The following RPGR variants were observed in gnomAD, a reference collection of about 807,000 sequenced individuals.
RPGR encodes retinitis pigmentosa GTPase regulator, also known as X-linked retinitis pigmentosa GTPase regulator.
RPGR carries 10 observed loss-of-function variants against 56.3 expected under a neutral mutation model. The observed-to-expected ratio is 0.18, with a 90% CI of 0.11 to 0.30. The LOEUF is 0.30. RPGR is among the 10% of genes least tolerant of loss of function. RPGR has a pLI of 1.00. For synonymous variants in RPGR, 197 were observed against 212.9 expected (o/e 0.93, Z 0.65); for missense variants, 538 against 590.9 (o/e 0.91, Z 0.93).
At chrX:38,301,603 T>C (rs996287395) in intron 8 of RPGR, among the ~76,000 whole-genome samples, 3 of 111,161 alleles carry the variant, frequency 2.7e-5, no homozygotes, top group African/African-American at 6.6e-5. Context: ...GTTTGTGAAG[T>C]TGATGACCTG....
rs1267750329 is a variant in RPGR at position 38,324,938 on chromosome X, G to A, written c.29-1414C>T. Among the ~76,000 whole-genome samples the A allele has an allele frequency of 8.4e-5, 9 of 107,010 alleles. No individual in the cohort carries two copies. In the Admixed American group the frequency reaches 9.0e-4, roughly 11 times the overall value. 92.9% of individuals were successfully genotyped at this position (107,010 alleles called of 115,157 possible). On this transcript the variant is annotated intron_variant, in intron 1 of 18. Transcript: ENST00000642395. ...TAATCACAGCACTTTGGGAGGCCGAGGCAGGTGGATCATTTGAGGTCAGGA... is the reference window on the plus strand; with the variant it reads ...TAATCACAGCACTTTGGGAGGCCGAAGCAGGTGGATCATTTGAGGTCAGGA...
chrX:38,301,619 C>T, intron 8 of RPGR, among the ~76,000 whole-genome samples: 1 of 110,904 alleles, frequency 9.0e-6, no homozygotes, highest in East Asian at 2.8e-4. Context: ...ACCTGTCACG[C>T]AAGGCAGTGT....
At chrX:38,270,458 CAAA>C (rs771458538) in intron 18 of RPGR, among the ~76,000 whole-genome samples, 7 of 76,556 alleles carry the variant, frequency 9.1e-5, no homozygotes, top group African/African-American at 2.5e-4. Flanking sequence ...ACTACAAATA[CAAA>C]AAAAAAAAAA....
chrX:38,299,799 T>C (rs1189896425), intron 9 of RPGR, among the ~76,000 whole-genome samples: 3 of 111,053 alleles, frequency 2.7e-5, no homozygotes, highest in African/African-American at 6.5e-5. Flanking sequence ...TTTATAATGT[T>C]CTATTTTTCC....
chrX:38,286,054 TCCCC>T, intron 15 of RPGR: 1 of 461,942 alleles, frequency 2.2e-6, no homozygotes, highest in Non-Finnish European at 3.0e-6. Context: ...TTCCTCCTCT[TCCCC>T]CTCCCCTTCT....
intron 15 of RPGR, among the ~76,000 whole-genome samples, chrX:38,280,449 G>T (rs1017899511): frequency 9.0e-6 from 1 of 111,236 alleles, no homozygotes; most frequent in Non-Finnish European, 1.9e-5. Context: ...GGGAACTGGG[G>T]AGAGGGGTGC....
At chrX:38,286,886 T>G in intron 15 of RPGR, 1 of 1,206,095 alleles carries the variant, frequency 8.3e-7, no homozygotes, top group East Asian at 3.0e-5. Context: ...TCCCCATCCC[T>G]CTTCTTCCAT....
intron 9 of RPGR, among the ~76,000 whole-genome samples, chrX:38,299,512 C>T (rs925501261): frequency 9.0e-6 from 1 of 111,052 alleles, no homozygotes; most frequent in Non-Finnish European, 1.9e-5. Context: ...TGAAAAATTA[C>T]TCAGAGAAGT....
chrX:38,327,021 C>A (rs903562133), intron 1 of RPGR: 4 of 249,262 alleles, frequency 1.6e-5, no homozygotes, highest in Non-Finnish European at 2.8e-5. Flanking sequence ...TGCGCCATTG[C>A]ACTCCAGCCT....
At chrX:38,305,873 T>C (rs2067588625) in intron 7 of RPGR, among the ~76,000 whole-genome samples, 1 of 112,013 alleles carries the variant, frequency 8.9e-6, no homozygotes, top group African/African-American at 3.2e-5. Context: ...ATAGGGCATA[T>C]GCTAGATTTA....
intron 6 of RPGR, among the ~76,000 whole-genome samples, chrX:38,315,836 TATAGAG>T (rs1156976056): frequency 1.2e-4 from 10 of 86,888 alleles, no homozygotes; most frequent in Admixed American, 3.7e-4. Context: ...TATATATATA[TATAGAG>T]AGAGAGAGAG....
chrX:38,270,294 T>C (rs1489605689), intron 18 of RPGR, among the ~76,000 whole-genome samples: 1 of 109,486 alleles, frequency 9.1e-6, no homozygotes, highest in African/African-American at 3.3e-5. Flanking sequence ...TCCCCATTCC[T>C]GTAGATGAGA....
intron 13 of RPGR, among the ~76,000 whole-genome samples, chrX:38,288,328 A>G (rs1191497665): frequency 8.9e-6 from 1 of 112,047 alleles, no homozygotes; most frequent in Non-Finnish European, 1.9e-5. Context: ...TACCATCAAT[A>G]TTTACTCTCT....
At position 38,304,783 on chromosome X, in the gene RPGR, A is replaced by G. The variant is rs993463516; in HGVS notation, c.786T>C (p.Ala262=). The change falls in exon 8 of 19, where the codon GCT becomes GCC. Residue 262 remains alanine (A), a synonymous_variant. Coordinates refer to ENST00000642395, the MANE Select transcript of RPGR (RefSeq NM_000328.3). ...ATTGTCCCAGCCCAAAGGTATACAC[A>G]GCATTCTCTGAAAGGAAAGGGGCAA... is the stretch of plus-strand genomic sequence containing the variant. 8.3e-7 allele frequency: 1 copy of G among 1,208,041 alleles called. No individual in the cohort carries two copies. The highest frequency in any genetic ancestry group is 1.1e-6 in the Non-Finnish European group (1 of 893,940).
Position 38,327,328 on chromosome X carries a change from G to T in RPGR, c.28+12C>A. On this transcript the variant is annotated intron_variant, in intron 1 of 18. Coordinates refer to ENST00000642395, the MANE Select transcript of RPGR (RefSeq NM_000328.3). Reference sequence around the variant, plus strand: ...CTCCCGGCCTTCCGCCACCGGCGCGGGCGCAACTCACCGGGCATCAGCTCT... The same window carrying T: ...CTCCCGGCCTTCCGCCACCGGCGCGTGCGCAACTCACCGGGCATCAGCTCT... 8.4e-7 allele frequency: 1 copy of T among 1,186,213 alleles called. No individual in the cohort carries two copies. The highest frequency in any genetic ancestry group is 1.1e-6 in the Non-Finnish European group (1 of 885,303).
chrX:38,317,540 G>T, intron 5 of RPGR, 75 bp from the exon 6 acceptor site: 1 of 906,881 alleles, frequency 1.1e-6, no homozygotes, highest in Non-Finnish European at 1.6e-6. Flanking sequence ...ACTTCCAAAA[G>T]ACCATTTATT....
intron 15 of RPGR, among the ~76,000 whole-genome samples, chrX:38,282,903 A>G (rs192162803): frequency 9.0e-6 from 1 of 110,816 alleles, no homozygotes; most frequent in East Asian, 2.9e-4. Flanking sequence ...TATATATACT[A>G]CTCACACTTC....
In RPGR at chrX:38,285,814, T is replaced by G. The variant is rs1346778223; in HGVS notation, c.1905+1280A>C. The G allele has an allele frequency of 4.1e-6, 5 of 1,208,276 alleles. No homozygotes were observed. In the South Asian group the frequency reaches 7.0e-5, roughly 17 times the overall value. Reference sequence around the variant, plus strand: ...CTGATACTTCCCCTCTTCTTCCTCCTCCTCTTCTCTGTTCCTCCTGTTTTC... The same window carrying G: ...CTGATACTTCCCCTCTTCTTCCTCCGCCTCTTCTCTGTTCCTCCTGTTTTC... On this transcript the variant is annotated intron_variant, in intron 15 of 18. Transcript: ENST00000642395.
At position 38,288,035 on chromosome X, in the gene RPGR, G is replaced by T. The variant is rs1601926772; in HGVS notation, c.1579C>A (p.Gln527Lys). ...TCCTGCGTCAGTTCCCCAATTGTTT[G>T]TTGTTTCTGTAAATTTTTTGAAGTA... Residue 527 changes from glutamine to lysine, a missense_variant, in exon 14 of 19, where the codon CAA (glutamine) becomes AAA (lysine). Gln to Lys is a moderately conservative substitution (Grantham distance 53). This residue lies in a region of RPGR where 357 missense variants were observed against 325.8 expected (regional missense o/e 1.10). Transcript: ENST00000642395. 1 of 1,159,314 alleles carries T rather than the reference G, an allele frequency of 8.6e-7. No individual in the cohort carries two copies. The highest frequency in any genetic ancestry group is 1.2e-6 in the Non-Finnish European group (1 of 852,159).
Sources: gnomAD v4.1 joint callset for allele counts (sites outside exome capture counted in the v4.1 genomes callset) on GRCh38, gnomAD v4.1.1 for gene constraint, gnomAD v4.1.1 regional missense constraint, MANE v1.5 for transcripts, NCBI Gene and HGNC (gene_info 2026-07-23, HGNC 2026-07-21) for gene names.